The following SGIP1 variants were observed in gnomAD, a reference collection of about 807,000 sequenced individuals.
SGIP1 encodes the protein SH3-containing GRB2-like protein 3-interacting protein 1.
Under a neutral mutation model 107.5 loss-of-function variants are expected in SGIP1, and 38 were observed. The observed-to-expected ratio is 0.35, with a 90% CI of 0.27 to 0.46. SGIP1 has a LOEUF of 0.46. Ranked by LOEUF, SGIP1 falls within the 20% of genes least tolerant of loss-of-function variation. SGIP1 has a pLI of 1.00. For synonymous variants in SGIP1, 365 were observed against 366.1 expected (o/e 1.00, Z 0.03); for missense variants, 929 against 1,019.5 (o/e 0.91, Z 1.21).
intron 1 of SGIP1, among the ~76,000 whole-genome samples, chr1:66,613,394 A>G (rs1247308623): frequency 1.3e-5 from 2 of 152,042 alleles, no homozygotes; most frequent in African/African-American, 4.8e-5. Context: ...CAGTGGTGCA[A>G]TCTCAACTCA....
intron 2 of SGIP1, among the ~76,000 whole-genome samples, chr1:66,631,590 G>T (rs895492114): frequency 4.6e-5 from 7 of 152,086 alleles, no homozygotes; most frequent in Non-Finnish European, 1.5e-5. Context: ...TTGAAGGGAT[G>T]TTGGTGGGGA....
intron 1 of SGIP1, among the ~76,000 whole-genome samples, chr1:66,541,130 A>T (rs2054830326): frequency 6.6e-6 from 1 of 152,242 alleles, no homozygotes; most frequent in Admixed American, 6.5e-5. Context: ...GTACTGGAAC[A>T]CAAAAAGTGC....
chr1:66,600,686 G>A (rs896998443), intron 1 of SGIP1, among the ~76,000 whole-genome samples: 20 of 152,214 alleles, frequency 1.3e-4, no homozygotes, highest in African/African-American at 4.8e-4. Flanking sequence ...GTGTCAGAGA[G>A]AGAGCAACCA....
At chr1:66,593,486 C>T (rs1422818463) in intron 1 of SGIP1, among the ~76,000 whole-genome samples, 1 of 152,206 alleles carries the variant, frequency 6.6e-6, no homozygotes, top group Non-Finnish European at 1.5e-5. Flanking sequence ...TGTGTCATAG[C>T]ACTTACTACA....
chr1:66,616,459 T>G (rs970124355), intron 1 of SGIP1, among the ~76,000 whole-genome samples: 1 of 152,154 alleles, frequency 6.6e-6, no homozygotes, highest in African/African-American at 2.4e-5. Flanking sequence ...GTACTGGGTT[T>G]TTATACTTAT....
intron 1 of SGIP1, among the ~76,000 whole-genome samples, chr1:66,593,551 A>G (rs529189039): frequency 6.6e-6 from 1 of 152,354 alleles, no homozygotes; most frequent in East Asian, 1.9e-4. Flanking sequence ...CTACTCATTT[A>G]GAAAACATGG....
intron 1 of SGIP1, among the ~76,000 whole-genome samples, chr1:66,568,137 C>A (rs927957429): frequency 1.3e-5 from 2 of 152,104 alleles, no homozygotes; most frequent in Admixed American, 1.3e-4. Context: ...TATCCATGAG[C>A]ATGGAATGTT....
At chr1:66,579,939 A>T (rs1170482383) in intron 1 of SGIP1, among the ~76,000 whole-genome samples, 1 of 152,014 alleles carries the variant, frequency 6.6e-6, no homozygotes, top group African/African-American at 2.4e-5. Context: ...ATCACCAACT[A>T]TTCTATTATC....
intron 7 of SGIP1, among the ~76,000 whole-genome samples, chr1:66,654,310 A>G (rs1445016049): frequency 6.6e-6 from 1 of 152,072 alleles, no homozygotes; most frequent in Non-Finnish European, 1.5e-5. Flanking sequence ...CTTCCTCTAC[A>G]ATGTGTAGGT....
At position 66,695,169 on chromosome 1, in the gene SGIP1, A is replaced by G. The variant is rs12752731; in HGVS notation, c.1571-265A>G. The G allele has an allele frequency of 7.5e-3, 4,700 of 626,606 alleles. 65 individuals carry two copies. Among genetic ancestry groups the G allele is most frequent in the Middle Eastern group, 0.027 (81 of 3,046 alleles). The allele number at this position is 626,606 out of a possible 1,614,324, so 38.8% of individuals were successfully genotyped here. On this transcript the variant is annotated intron_variant, in intron 17 of 24. Transcript: ENST00000371037. ...CCAGGAAGACTTCTGCTCCATGCAC[A>G]CAAGCACCAAGTATCAAGCGACCAC...
At chr1:66,580,321 A>T (rs933853998) in intron 1 of SGIP1, among the ~76,000 whole-genome samples, 3 of 152,100 alleles carry the variant, frequency 2.0e-5, no homozygotes, top group African/African-American at 7.2e-5. Flanking sequence ...TGTACCTTTA[A>T]GTATTTTCTT....
intron 1 of SGIP1, among the ~76,000 whole-genome samples, chr1:66,574,839 G>A (rs1039185165): frequency 6.6e-6 from 1 of 151,972 alleles, no homozygotes; most frequent in African/African-American, 2.4e-5. Flanking sequence ...TATAGTTGAT[G>A]TCAGATTGCC....
chr1:66,660,468 C>G, intron 7 of SGIP1, 45 bp from the exon 8 acceptor site: 1 of 1,580,930 alleles, frequency 6.3e-7, no homozygotes, highest in South Asian at 1.1e-5. Context: ...CATTTCACCT[C>G]TCTCATTTTC....
At chr1:66,672,196 T>G (rs2083983131) in intron 11 of SGIP1, among the ~76,000 whole-genome samples, 1 of 152,186 alleles carries the variant, frequency 6.6e-6, no homozygotes, top group Non-Finnish European at 1.5e-5. Flanking sequence ...TAGGGAAATA[T>G]TCTGCCCTTA....
chr1:66,549,694 A>G (rs935330433), intron 1 of SGIP1, among the ~76,000 whole-genome samples: 1 of 152,158 alleles, frequency 6.6e-6, no homozygotes. Context: ...TTGCTACAAG[A>G]TGATACCAAA....
At position 66,749,679 on chromosome 1, in the gene SGIP1, T is replaced by C. The variant is rs2094598880; in HGVS notation, c.*6584T>C. 6.6e-6 allele frequency among the ~76,000 whole-genome samples: 1 copy of C among 152,104 alleles called. No homozygotes were observed. The highest frequency in any genetic ancestry group is 2.4e-5 in the African/African-American group (1 of 41,452). On this transcript the variant is annotated 3_prime_UTR_variant, in exon 25 of 25. Coordinates refer to ENST00000371037, the MANE Select transcript of SGIP1 (RefSeq NM_032291.4). ...ATAAGCCATTTATAATTTTTAAACG[T>C]TCCATTGAATGAGTATATCATACAA... is the stretch of plus-strand genomic sequence containing the variant.
rs745666183 is a variant in SGIP1, at chr1:66,639,787, A to G, written c.182A>G (p.Asn61Ser). 6.2e-6 allele frequency: 10 copies of G among 1,611,714 alleles called. No individual in the cohort carries two copies. Among genetic ancestry groups the G allele is most frequent in the Non-Finnish European group, 8.5e-6 (10 of 1,178,564 alleles). ...TCAAATTTATTACAGAAGAAAAGCAATGGGGCACCAAATGGATTTTATGCG... is the reference window on the plus strand; with the variant it reads ...TCAAATTTATTACAGAAGAAAAGCAGTGGGGCACCAAATGGATTTTATGCG... ...EGGKKVSKKS[N>S]GAPNGFYAEI... The change falls in exon 5 of 25, where the codon AAT becomes AGT. Residue 61 changes from asparagine to serine, a missense_variant. Around this residue, in one of 2 missense-constraint regions of SGIP1, gnomAD observed 588 missense variants for 588.6 expected, o/e 1.00. Coordinates refer to ENST00000371037, the MANE Select transcript of SGIP1 (RefSeq NM_032291.4).
intron 15 of SGIP1, 143 bp from the exon 16 acceptor site, chr1:66,689,005 A>G (rs1439953149): frequency 3.4e-6 from 3 of 875,744 alleles, no homozygotes; most frequent in South Asian, 3.3e-5. Context: ...AAAAAAGAGA[A>G]AAAAGAAAGT....
At chr1:66,542,921 G>A (rs567802697) in intron 1 of SGIP1, among the ~76,000 whole-genome samples, 6 of 152,316 alleles carry the variant, frequency 3.9e-5, no homozygotes, top group African/African-American at 1.4e-4. Context: ...GTATAACGGC[G>A]TAACTGGAAA....
Sources: allele counts gnomAD v4.1 joint callset (sites outside exome capture counted in the v4.1 genomes callset), GRCh38; gene constraint gnomAD v4.1.1; regional missense constraint gnomAD v4.1.1; transcripts MANE v1.5; gene names NCBI Gene and HGNC (gene_info 2026-07-23, HGNC 2026-07-21).